Variants in SAMD8 observed in about 807,000 individuals in gnomAD.
The protein encoded by SAMD8 is sphingomyelin synthase-related protein 1.
SAMD8 carries 20 observed loss-of-function variants against 42.0 expected under a neutral mutation model. The ratio of observed to expected loss-of-function variants is 0.48; its 90% confidence interval spans 0.34 to 0.69. The LOEUF is 0.69. Ranked by LOEUF, SAMD8 falls within the 30% of genes least tolerant of loss-of-function variation. SAMD8 has a pLI of 0.01. For missense variants in SAMD8, 328 were observed against 511.6 expected, an observed-to-expected ratio of 0.64 and a Z score of 3.46; for synonymous variants, 162 against 173.0, an observed-to-expected ratio of 0.94 and a Z score of 0.50.
chr10:75,110,019 T>C (rs1187360504), upstream of SAMD8, among the ~76,000 whole-genome samples: 1 of 152,166 alleles, frequency 6.6e-6, no homozygotes, highest in Non-Finnish European at 1.5e-5. Context: ...GGTTTTGCCA[T>C]GTTGGTCTGA....
chr10:75,151,138 G>T, intron 2 of SAMD8, 32 bp downstream of exon 2: 1 of 1,197,734 alleles, frequency 8.3e-7, no homozygotes. Flanking sequence ...TAAGTTTGTA[G>T]GATGTTGCTA....
intron 4 of SAMD8, among the ~76,000 whole-genome samples, chr10:75,175,472 T>G (rs1221763260): frequency 6.6e-6 from 1 of 152,170 alleles, no homozygotes; most frequent in Non-Finnish European, 1.5e-5. Flanking sequence ...AACTTTTTAT[T>G]ATAAAGGAAC....
chr10:75,109,298 G>C (rs1180748254), upstream of SAMD8: 6 of 943,326 alleles, frequency 6.4e-6, no homozygotes, highest in Middle Eastern at 3.2e-4. Context: ...GAGTGGACAA[G>C]ACCTTTTCCT....
upstream of SAMD8, among the ~76,000 whole-genome samples, chr10:75,107,590 G>A (rs528325216): frequency 7.4e-5 from 11 of 149,162 alleles, no homozygotes; most frequent in East Asian, 1.9e-4. Flanking sequence ...TTTTTTTGGC[G>A]GGGGGGGATG....
intron 2 of SAMD8, among the ~76,000 whole-genome samples, chr10:75,164,220 A>G (rs1484313101): frequency 2.0e-5 from 3 of 152,118 alleles, no homozygotes; most frequent in Non-Finnish European, 2.9e-5. Context: ...CCTGTTTCAA[A>G]AACAACAACA....
chr10:75,128,254 G>T (rs927798208), intron 1 of SAMD8, among the ~76,000 whole-genome samples: 12 of 151,828 alleles, frequency 7.9e-5, no homozygotes, highest in African/African-American at 2.9e-4. Context: ...TGTATTTTTA[G>T]TAGAGACAGC....
At chr10:75,118,559 G>T (rs923128443) in intron 1 of SAMD8, among the ~76,000 whole-genome samples, 1 of 152,164 alleles carries the variant, frequency 6.6e-6, no homozygotes, top group Non-Finnish European at 1.5e-5. Context: ...CAGGAGAATT[G>T]TTTGAACCTG....
chr10:75,168,170 A>G (rs755248341), intron 3 of SAMD8, among the ~76,000 whole-genome samples: 2 of 152,106 alleles, frequency 1.3e-5, no homozygotes, highest in East Asian at 1.9e-4. Context: ...ACTCTTAGCC[A>G]TATTTTCTTA....
chr10:75,170,136 T>C (rs1287139162), intron 4 of SAMD8, among the ~76,000 whole-genome samples: 1 of 152,232 alleles, frequency 6.6e-6, no homozygotes, highest in Non-Finnish European at 1.5e-5. Flanking sequence ...GTACTTTATA[T>C]ACAAAATTGG....
At position 75,148,346 on chromosome 10, in the gene SAMD8, C is replaced by CTTTTTTTTTTTTTTTTTTTTTTTTTTTT. The variant is rs60024591; in HGVS notation, c.-15-2143_-15-2142insTTTTTTTTTTTTTTTTTTTTTTTTTTTT. 8.5e-5 allele frequency among the ~76,000 whole-genome samples: 7 copies of CTTTTTTTTTTTTTTTTTTTTTTTTTTTT among 82,560 alleles called. 1 individual carries two copies. The highest frequency in any genetic ancestry group is 4.6e-4 in the Admixed American group (3 of 6,456). The allele number at this position is 82,560 out of a possible 152,430, so 54.2% of individuals were successfully genotyped here. On this transcript the variant is annotated intron_variant, in intron 1 of 5. Coordinates refer to ENST00000542569, the MANE Select transcript of SAMD8 (RefSeq NM_001174156.2). The stretch of plus-strand genomic sequence containing the variant: ...GGGAAAGAATGCAGAGCAATACCAG[C>CTTTTTTTTTTTTTTTTTTTTTTTTTTTT]TTTTTTTTTTTTTTTTTTTTTTTTT...
intron 3 of SAMD8, among the ~76,000 whole-genome samples, chr10:75,165,977 CA>C (rs56839743): frequency 2.9e-3 from 183 of 62,508 alleles, no homozygotes; most frequent in South Asian, 4.2e-3. Context: ...ACCCTGTCTC[CA>C]AAAAAAAAAA....
chr10:75,170,433 T>C (rs1277075806), intron 4 of SAMD8, among the ~76,000 whole-genome samples: 1 of 152,114 alleles, frequency 6.6e-6, no homozygotes, highest in Non-Finnish European at 1.5e-5. Context: ...GTGACAAAAC[T>C]TTCTCCTGGT....
chr10:75,105,918 C>T (rs1848472333), intron 1 of SAMD8: 5 of 1,519,372 alleles, frequency 3.3e-6, no homozygotes, highest in African/African-American at 1.4e-5. Flanking sequence ...CCGGCCCACC[C>T]ACGGGCTGGG....
chr10:75,147,206 C>A (rs1006780046), intron 1 of SAMD8, among the ~76,000 whole-genome samples: 2 of 152,066 alleles, frequency 1.3e-5, no homozygotes, highest in Non-Finnish European at 2.9e-5. Context: ...ACTGTCCTAA[C>A]GAATAATGCT....
At chr10:75,145,367 C>T (rs1278083602) in intron 1 of SAMD8, among the ~76,000 whole-genome samples, 1 of 152,178 alleles carries the variant, frequency 6.6e-6, no homozygotes, top group East Asian at 1.9e-4. Flanking sequence ...TGATTCTTCT[C>T]CTCATTATAA....
chr10:75,107,041 A>G (rs1432248474), upstream of SAMD8, among the ~76,000 whole-genome samples: 1 of 152,168 alleles, frequency 6.6e-6, no homozygotes, highest in Non-Finnish European at 1.5e-5. Context: ...TTTCTAGTTA[A>G]AAGTACTTTG....
intron 4 of SAMD8, among the ~76,000 whole-genome samples, chr10:75,169,438 C>T (rs1840790346): frequency 2.7e-5 from 4 of 149,532 alleles, no homozygotes; most frequent in Admixed American, 2.7e-4. Context: ...GCCGAGATCG[C>T]ACCACTGCAC....
chr10:75,160,052 C>T (rs1459096503), intron 2 of SAMD8, among the ~76,000 whole-genome samples: 1 of 34,378 alleles, frequency 2.9e-5, no homozygotes, highest in Non-Finnish European at 4.4e-5. Flanking sequence ...GGAAACAAAA[C>T]ACTATAAAAA....
intron 1 of SAMD8, among the ~76,000 whole-genome samples, chr10:75,116,001 C>T (rs1358104657): frequency 2.0e-5 from 3 of 150,968 alleles, no homozygotes; most frequent in Admixed American, 6.6e-5. Flanking sequence ...AGTTTCACCA[C>T]AGTGTTTCAC....
Sources: gnomAD v4.1 joint callset for allele counts (sites outside exome capture counted in the v4.1 genomes callset) on GRCh38, gnomAD v4.1.1 for gene constraint, MANE v1.5 for transcripts, NCBI Gene and HGNC (gene_info 2026-07-23, HGNC 2026-07-21) for gene names.